The following BTNL9 variants were observed in gnomAD, a reference collection of about 807,000 sequenced individuals.
BTNL9 encodes the protein butyrophilin like 9, also known as butyrophilin-like protein 9.
Under a neutral mutation model 45.8 loss-of-function variants are expected in BTNL9, and 45 were observed. The ratio of observed to expected loss-of-function variants is 0.98; its 90% CI spans 0.77 to 1.26. The LOEUF (loss-of-function observed/expected upper bound fraction) is 1.26. Ranked by LOEUF, BTNL9 falls within the 50% of genes most tolerant of loss-of-function variation. BTNL9 has a pLI of 0.00. For missense variants in BTNL9, 784 were observed against 729.7 expected, an observed-to-expected ratio of 1.07 and a Z score of -0.86; for synonymous variants, 346 against 330.8, an observed-to-expected ratio of 1.05 and a Z score of -0.50.
Position 181,053,340 on chromosome 5 carries a change from G to A in BTNL9, c.853+24G>A, listed in dbSNP as rs1317790597. ...AGGTACCGGCGCGGGCGGCGGGGCG[G>A]GGAGGGGCACCGGCCGGTGCTGAAC... On this transcript the variant is annotated intron_variant, in intron 5 of 10. Transcript: ENST00000327705. This position sits in a 1 kb window ranked among gnomAD's most constrained non-coding sequence, Gnocchi z 6.5. 2.6e-5 allele frequency: 40 copies of A among 1,523,182 alleles called. No homozygotes were observed. The highest frequency in any genetic ancestry group is 3.5e-5 in the Non-Finnish European group (40 of 1,135,672). The allele number at this position is 1,523,182 out of a possible 1,614,324, so 94.4% of individuals were successfully genotyped here.
At chr5:181,041,655 A>G (rs1291323142) in intron 1 of BTNL9, among the ~76,000 whole-genome samples, 1 of 152,198 alleles carries the variant, frequency 6.6e-6, no homozygotes, top group African/African-American at 2.4e-5. Flanking sequence ...AACAGTCCTA[A>G]GTGTATTAGG....
rs112262574 is a variant in BTNL9, at chr5:181,055,303, T to TA, written c.908-117dup. The TA allele has an allele frequency of 0.12, 123,737 of 1,038,898 alleles. 218 individuals are homozygous for TA. Among genetic ancestry groups the TA allele is most frequent in the Non-Finnish European group, 0.13 (94,980 of 741,302 alleles). The allele number at this position is 1,038,898 out of a possible 1,614,324, so 64.4% of individuals were successfully genotyped here. On this transcript the variant is annotated intron_variant, in intron 7 of 10. Transcript: ENST00000327705. This position sits in a 1 kb window ranked among gnomAD's most constrained non-coding sequence, Gnocchi z 4.4. ...CAATGAAGGGGCAAAGAGGAAGCTG[T>TA]AAAAAAAAAAAAATGAAGCTGTGAT...
intron 1 of BTNL9, among the ~76,000 whole-genome samples, chr5:181,045,236 G>A (rs1761032308): frequency 6.6e-6 from 1 of 152,164 alleles, no homozygotes. Flanking sequence ...TCGTCCCCTT[G>A]CAGCTCTGTG....
Position 181,042,675 on chromosome 5 carries a change from C to G in BTNL9, c.-24+2243C>G, listed in dbSNP as rs1306722184. ...GACCAGGTACCTGTTCCTCCTGGCT[C>G]AGAAGATGCTCTTGACAAAGTCTTA... is the stretch of plus-strand genomic sequence containing the variant. On this transcript the variant is annotated intron_variant, in intron 1 of 10. Coordinates refer to ENST00000327705, the MANE Select transcript of BTNL9 (RefSeq NM_152547.5). The surrounding 1 kb of genome is among the most constrained non-coding windows in gnomAD (Gnocchi z 4.5). Among the ~76,000 whole-genome samples the G allele has an allele frequency of 6.6e-6, 1 of 152,164 alleles. No homozygotes were observed. The highest frequency in any genetic ancestry group is 1.5e-5 in the Non-Finnish European group (1 of 68,018).
Position 181,050,419 on chromosome 5 carries a change from A to C in BTNL9, c.736+50A>C. 1 of 1,587,854 alleles carries C rather than the reference A, an allele frequency of 6.3e-7. No individual in the cohort carries two copies. Among genetic ancestry groups the C allele is most frequent in the Middle Eastern group, 1.7e-4 (1 of 5,950 alleles). ...ATCTTCCTAGTCCTCATGTGTACATACACATTGGCCCAAAGGCAGTCTATA... is the reference window on the plus strand; with the variant it reads ...ATCTTCCTAGTCCTCATGTGTACATCCACATTGGCCCAAAGGCAGTCTATA... On this transcript the variant is annotated intron_variant, in intron 4 of 10. Coordinates refer to ENST00000327705, the MANE Select transcript of BTNL9 (RefSeq NM_152547.5). The surrounding 1 kb of genome is among the most constrained non-coding windows in gnomAD (Gnocchi z 4.9).
rs6891631 is a variant in BTNL9, at chr5:181,060,863, G to C, written c.*1001G>C. 0.93 allele frequency: 141,239 copies of C among 152,382 alleles called. 65,500 individuals are homozygous for C. The highest frequency in any genetic ancestry group is 0.97 in the Middle Eastern group (284 of 294). The allele number at this position is 152,382 out of a possible 1,614,324, so 9.4% of individuals were successfully genotyped here. ...CTTCACCCCCTACCCCCAAGACATT[G>C]TCTCTGTCGGCCAGGCTGGAGTGCA... On this transcript the variant is annotated 3_prime_UTR_variant, in exon 11 of 11. Coordinates refer to ENST00000327705, the MANE Select transcript of BTNL9 (RefSeq NM_152547.5).
chr5:181,058,188 A>T (rs1373900318), intron 9 of BTNL9, among the ~76,000 whole-genome samples, 164 bp from the exon 10 acceptor site: 1 of 152,210 alleles, frequency 6.6e-6, no homozygotes, highest in Non-Finnish European at 1.5e-5. Context: ...TCAGGAAAAT[A>T]CATGGTGAAC....
chr5:181,052,340 T>C (rs1250716915), intron 4 of BTNL9, among the ~76,000 whole-genome samples: 2 of 152,068 alleles, frequency 1.3e-5, no homozygotes, highest in African/African-American at 4.8e-5. Context: ...GGAATTACTG[T>C]TTAATAAGTA....
At chr5:181,054,149 TCA>T in intron 6 of BTNL9, 88 bp from the exon 7 acceptor site, 1 of 1,587,672 alleles carries the variant, frequency 6.3e-7, no homozygotes. Context: ...AGGTGAGGCC[TCA>T]GTGTTCACCC....
intron 2 of BTNL9, 75 bp from the exon 3 acceptor site, chr5:181,047,852 G>A: frequency 7.9e-7 from 1 of 1,262,620 alleles, no homozygotes. Flanking sequence ...AGATTCCTCA[G>A]CTATAAAGGG....
chr5:181,055,908 G>A lies in BTNL9; in HGVS notation c.929-81G>A. 6.5e-7 allele frequency: 1 copy of A among 1,546,910 alleles called. No homozygotes were observed. Among genetic ancestry groups the A allele is most frequent in the Non-Finnish European group, 8.9e-7 (1 of 1,118,772 alleles). ...TGGGTGGTGGGGGGTGCGGGACAGG[G>A]TGGGTGCAAGATGTGATGTGTGAGC... On this transcript the variant is annotated intron_variant, in intron 8 of 10. Transcript: ENST00000327705. The surrounding 1 kb of genome is among the most constrained non-coding windows in gnomAD (Gnocchi z 4.4).
rs1283870537 is a variant in BTNL9 at position 181,060,027 on chromosome 5, A to G, written c.*165A>G. 3.1e-6 allele frequency: 2 copies of G among 650,662 alleles called. No homozygotes were observed. The highest frequency in any genetic ancestry group is 5.1e-6 in the Non-Finnish European group (2 of 391,462). 40.3% of individuals were successfully genotyped at this position (650,662 alleles called of 1,614,324 possible). The stretch of plus-strand genomic sequence containing the variant: ...TACGTAGATGTGTATGTGTAGTGCG[A>G]TTTTCTTCAAGGAAAGGAGACAAGT... On this transcript the variant is annotated 3_prime_UTR_variant, in exon 11 of 11. Coordinates refer to ENST00000327705, the MANE Select transcript of BTNL9 (RefSeq NM_152547.5).
In BTNL9 at chr5:181,048,182, G is replaced by A; in HGVS notation, c.365G>A (p.Ser122Asn). 1.9e-6 allele frequency: 3 copies of A among 1,613,486 alleles called. No individual in the cohort carries two copies. In the South Asian group the frequency reaches 3.3e-5, roughly 18 times the overall value. ...GGCAGCGTGGTCCTGCAGCTTCACAGCATCATCCCCTCTGACAAGGGCACA... is the reference window on the plus strand; with the variant it reads ...GGCAGCGTGGTCCTGCAGCTTCACAACATCATCCCCTCTGACAAGGGCACA... ...AYGSVVLQLH[S>N]IIPSDKGTYG... is the part of the protein sequence containing the mutation. The change falls in exon 3 of 11, where the codon AGC (serine) becomes AAC (asparagine). Residue 122 changes from serine to asparagine, a missense_variant. Coordinates refer to ENST00000327705, the MANE Select transcript of BTNL9 (RefSeq NM_152547.5).
chr5:181,058,849 A>G (rs1296488098), intron 10 of BTNL9, among the ~76,000 whole-genome samples: 2 of 152,042 alleles, frequency 1.3e-5, no homozygotes, highest in African/African-American at 2.4e-5. Context: ...ATTTCTGTAA[A>G]ATGACGCTCA....
At chr5:181,043,938 G>T (rs1760940654) in intron 1 of BTNL9, among the ~76,000 whole-genome samples, 1 of 152,216 alleles carries the variant, frequency 6.6e-6, no homozygotes. Flanking sequence ...TGTGAATCGT[G>T]TTCCAATAAC....
At chr5:181,045,381 C>T in intron 1 of BTNL9, 86 bp from the exon 2 acceptor site, 1 of 724,324 alleles carries the variant, frequency 1.4e-6, no homozygotes, top group Non-Finnish European at 2.4e-6. Flanking sequence ...ATAACTGAGG[C>T]CACAACAGAC....
At chr5:181,054,034 G>T (rs1395011668) in intron 6 of BTNL9, 1 of 1,543,198 alleles carries the variant, frequency 6.5e-7, no homozygotes, top group Non-Finnish European at 8.7e-7. Context: ...ACCCTCCTAT[G>T]CAGAAGGGCA....
chr5:181,054,060 T>C, intron 6 of BTNL9, 179 bp from the exon 7 acceptor site: 1 of 1,545,702 alleles, frequency 6.5e-7, no homozygotes, highest in Non-Finnish European at 8.7e-7. Flanking sequence ...GGGTGCGCAC[T>C]TCCCCATCCC....
At chr5:181,058,756 AGAT>A (rs1332685240) in intron 10 of BTNL9, among the ~76,000 whole-genome samples, 7 of 151,862 alleles carry the variant, frequency 4.6e-5, no homozygotes, top group Non-Finnish European at 1.0e-4. Flanking sequence ...GCACTGGACT[AGAT>A]GATCTCAAAG....
Sources: gnomAD v4.1 joint callset for allele counts (sites outside exome capture counted in the v4.1 genomes callset) on GRCh38, gnomAD v4.1.1 for gene constraint, Gnocchi (gnomAD v3.1) non-coding constraint, MANE v1.5 for transcripts, NCBI Gene and HGNC (gene_info 2026-07-23, HGNC 2026-07-21) for gene names.